Variants in RAD23B observed in about 807,000 individuals in gnomAD.
The protein encoded by RAD23B is lysine-specific demethylase RAD23B.
RAD23B carries 5 observed loss-of-function variants against 49.1 expected under a neutral mutation model. That is an observed-to-expected ratio of 0.10 (90% CI 0.05 to 0.21). The LOEUF (loss-of-function observed/expected upper bound fraction) is 0.21, where lower values mean the gene tolerates loss of function less well. RAD23B is among the 10% of genes least tolerant of loss of function. The probability of loss-of-function intolerance (pLI) is 1.00; values close to 1 mark genes in which losing one functional copy is unlikely to be tolerated. For missense variants in RAD23B, 356 were observed against 486.7 expected, an observed-to-expected ratio of 0.73 and a Z score of 2.53; for synonymous variants, 184 against 165.4, an observed-to-expected ratio of 1.11 and a Z score of -0.86.
chr9:107,311,604 A>G (rs908914854), intron 4 of RAD23B, 78 bp from the exon 5 acceptor site: 66 of 957,852 alleles, frequency 6.9e-5, no homozygotes, highest in Non-Finnish European at 9.9e-5. Flanking sequence ...CTGTTTACCA[A>G]TTGGATAGTT....
chr9:107,326,130 GT>G (rs1383030721), intron 9 of RAD23B, among the ~76,000 whole-genome samples: 4 of 151,994 alleles, frequency 2.6e-5, no homozygotes, highest in African/African-American at 7.3e-5. Flanking sequence ...CTTGTATTTT[GT>G]TGAGGATTTT....
intron 2 of RAD23B, among the ~76,000 whole-genome samples, chr9:107,300,675 GA>G (rs1286061029): frequency 6.6e-6 from 1 of 152,028 alleles, no homozygotes; most frequent in Non-Finnish European, 1.5e-5. Flanking sequence ...AGAATTCTTA[GA>G]AATCAGTAAG....
At chr9:107,309,551 T>C (rs1826847837) in intron 4 of RAD23B, among the ~76,000 whole-genome samples, 1 of 152,164 alleles carries the variant, frequency 6.6e-6, no homozygotes, top group Non-Finnish European at 1.5e-5. Context: ...AGGGGAGAAG[T>C]AGTGAGACAG....
At chr9:107,295,388 T>C (rs1451812604) in intron 1 of RAD23B, among the ~76,000 whole-genome samples, 3 of 152,134 alleles carry the variant, frequency 2.0e-5, no homozygotes, top group Non-Finnish European at 4.4e-5. Context: ...ATGAATTTAG[T>C]AAGATACTGA....
Position 107,317,055 on chromosome 9 carries a change from G to A in RAD23B, c.554-1697G>A, listed in dbSNP as rs1827011791. On this transcript the variant is annotated intron_variant, in intron 5 of 9. Coordinates refer to ENST00000358015, the MANE Select transcript of RAD23B (RefSeq NM_002874.5). ...GTGGGTGGAGGATTGTTGAGGGCTG[G>A]GAGCCAGAAATAAAATGAGGGGTTT... Among the ~76,000 whole-genome samples, 3 of 151,754 alleles carry A rather than the reference G, an allele frequency of 2.0e-5. No individual in the cohort carries two copies. In the South Asian group the frequency reaches 6.2e-4, roughly 32 times the overall value.
At chr9:107,306,051 CTATA>C (rs770269253) in intron 3 of RAD23B, among the ~76,000 whole-genome samples, 1 of 49,792 alleles carries the variant, frequency 2.0e-5, no homozygotes, top group Non-Finnish European at 3.7e-5. Context: ...CGGTTTATAT[CTATA>C]TATATATATA....
At chr9:107,319,903 C>T (rs1057431350) in intron 6 of RAD23B, among the ~76,000 whole-genome samples, 3 of 152,186 alleles carry the variant, frequency 2.0e-5, no homozygotes, top group African/African-American at 7.2e-5. Context: ...TCTCAGACTT[C>T]TATAATTGTC....
chr9:107,284,794 A>G, intron 1 of RAD23B: 1 of 1,193,008 alleles, frequency 8.4e-7, no homozygotes, highest in Non-Finnish European at 1.1e-6. Flanking sequence ...TGTTAAGTAG[A>G]CCTGAGTTCC....
chr9:107,303,937 CATT>C (rs1188115024), intron 3 of RAD23B, among the ~76,000 whole-genome samples: 1 of 152,180 alleles, frequency 6.6e-6, no homozygotes, highest in African/African-American at 2.4e-5. Context: ...TGAAGCCTAT[CATT>C]ATATTGCATA....
At chr9:107,309,850 G>C (rs1180642409) in intron 4 of RAD23B, among the ~76,000 whole-genome samples, 1 of 148,266 alleles carries the variant, frequency 6.7e-6, no homozygotes, top group African/African-American at 2.5e-5. Context: ...AGAATGGCGT[G>C]AACCCGGGAG....
Position 107,306,788 on chromosome 9 carries a change from G to A in RAD23B, c.497+141G>A, listed in dbSNP as rs1826787285. The A allele has an allele frequency of 2.8e-5, 26 of 924,032 alleles. No individual in the cohort carries two copies. In the South Asian group the frequency reaches 4.6e-4, roughly 16 times the overall value. 57.2% of individuals were successfully genotyped at this position (924,032 alleles called of 1,614,324 possible). A position where few individuals can be genotyped will look rare whatever the true frequency, so the allele number is the denominator to read the frequency against. On this transcript the variant is annotated intron_variant, in intron 4 of 9. Transcript: ENST00000358015. ...TTTTAAATGTTTGACTAAAACATAT[G>A]CTGCGTCTGTTTTGATAGCTTACTA... is the stretch of plus-strand genomic sequence containing the variant.
intron 1 of RAD23B, among the ~76,000 whole-genome samples, chr9:107,296,268 A>C (rs1056090031): frequency 2.6e-5 from 4 of 152,128 alleles, no homozygotes; most frequent in African/African-American, 4.8e-5. Context: ...TTCCCCCACC[A>C]CCTTAAAAAT....
intron 1 of RAD23B, among the ~76,000 whole-genome samples, chr9:107,287,391 CA>C (rs1212720178): frequency 6.6e-6 from 1 of 152,140 alleles, no homozygotes; most frequent in Non-Finnish European, 1.5e-5. Flanking sequence ...ACTTTAAATG[CA>C]AAAGCTGAAA....
intron 6 of RAD23B, 44 bp from the exon 7 acceptor site, chr9:107,321,939 T>A: frequency 6.5e-7 from 1 of 1,539,044 alleles, no homozygotes; most frequent in Non-Finnish European, 8.8e-7. Flanking sequence ...TAATATTTAA[T>A]TTTGCATGAT....
At chr9:107,315,868 T>C (rs553517577) in intron 5 of RAD23B, among the ~76,000 whole-genome samples, 1 of 152,250 alleles carries the variant, frequency 6.6e-6, no homozygotes, top group East Asian at 1.9e-4. Context: ...CTAAAAAGTA[T>C]CACATTGCTT....
chr9:107,283,513 G>A lies in RAD23B; in HGVS notation c.-117G>A. 1.5e-6 allele frequency: 1 copy of A among 688,750 alleles called. No homozygotes were observed. Among genetic ancestry groups the A allele is most frequent in the Non-Finnish European group, 2.2e-6 (1 of 458,962 alleles). 42.7% of individuals were successfully genotyped at this position (688,750 alleles called of 1,614,324 possible). ...AATGTGACAAGCCCCCACCCCCACC[G>A]CCTTCCTCCCCAGAGCGCGAGGAGC... On this transcript the variant is annotated 5_prime_UTR_variant, in exon 1 of 10. Transcript: ENST00000358015.
At chr9:107,285,647 T>C (rs915529725) in intron 1 of RAD23B, among the ~76,000 whole-genome samples, 1 of 152,348 alleles carries the variant, frequency 6.6e-6, no homozygotes, top group East Asian at 1.9e-4. Context: ...AAAAGTAATA[T>C]GTTATACGTC....
Position 107,284,930 on chromosome 9 carries a change from T to G in RAD23B, c.66+1235T>G, listed in dbSNP as rs1018020031. 1.2e-5 allele frequency: 15 copies of G among 1,299,454 alleles called. No homozygotes were observed. In the African/African-American group the frequency reaches 2.0e-4, roughly 17 times the overall value. The allele number at this position is 1,299,454 out of a possible 1,614,324, so 80.5% of individuals were successfully genotyped here. A position where few individuals can be genotyped will look rare whatever the true frequency, so the allele number is the denominator to read the frequency against. On this transcript the variant is annotated intron_variant, in intron 1 of 9. Transcript: ENST00000358015. ...GATTAGATGGTATGTATTTACTTGG[T>G]GGTCAGTAAATGGAATCGATTATTT... is the stretch of plus-strand genomic sequence containing the variant.
chr9:107,293,884 G>C (rs1833434690), intron 1 of RAD23B, among the ~76,000 whole-genome samples: 1 of 152,218 alleles, frequency 6.6e-6, no homozygotes, highest in Admixed American at 6.5e-5. Flanking sequence ...CCTGGGCTCA[G>C]TCAATCCTTT....
Sources: gnomAD v4.1 joint callset for allele counts (sites outside exome capture counted in the v4.1 genomes callset) on GRCh38, gnomAD v4.1.1 for gene constraint, MANE v1.5 for transcripts, NCBI Gene and HGNC (gene_info 2026-07-23, HGNC 2026-07-21) for gene names.